Variants in MTHFD1L observed in about 807,000 individuals in gnomAD.
MTHFD1L encodes the protein methylenetetrahydrofolate dehydrogenase (NADP+ dependent) 1 like.
A neutral mutation model predicts 119.5 loss-of-function variants in MTHFD1L; 81 were observed. That is an observed-to-expected ratio of 0.68 (90% CI 0.57 to 0.82). MTHFD1L has a LOEUF of 0.82. Ranked by LOEUF, MTHFD1L falls within the 40% of genes least tolerant of loss-of-function variation. MTHFD1L has a pLI of 0.00. For synonymous variants in MTHFD1L, 430 were observed against 475.2 expected, an observed-to-expected ratio of 0.90 and a Z score of 1.24; for missense variants, 1,125 against 1,253.4, an observed-to-expected ratio of 0.90 and a Z score of 1.55.
intron 7 of MTHFD1L, among the ~76,000 whole-genome samples, chr6:150,896,826 G>GTGGC (rs1483590690): frequency 6.6e-6 from 1 of 151,998 alleles, no homozygotes; most frequent in Non-Finnish European, 1.5e-5. Flanking sequence ...AAGGGGCTGT[G>GTGGC]TGGCGGGCGC....
intron 18 of MTHFD1L, among the ~76,000 whole-genome samples, chr6:150,960,750 C>T (rs1456274361): frequency 6.6e-6 from 1 of 152,112 alleles, no homozygotes; most frequent in African/African-American, 2.4e-5. Flanking sequence ...AAAAATGTAC[C>T]TTCTATGCCT....
chr6:151,046,469 G>GTATATATATATATATATATATATA (rs1437936861), intron 26 of MTHFD1L, among the ~76,000 whole-genome samples: 1 of 116,864 alleles, frequency 8.6e-6, no homozygotes, highest in African/African-American at 3.5e-5. Flanking sequence ...ATATGTGTGT[G>GTATATATATATATATATATATATA]TGTATATATA....
Position 150,967,164 on chromosome 6 carries a change from G to A in MTHFD1L, c.2013+2127G>A, listed in dbSNP as rs541337233. Among the ~76,000 whole-genome samples the A allele has an allele frequency of 3.9e-5, 6 of 152,220 alleles. No individual in the cohort carries two copies. The East Asian group carries it at 7.7e-4, about 20-fold the overall frequency. Reference sequence around the variant, plus strand: ...CTGCCCAGCTCTTGTCTGTCACTGGGGTCTCCATGTTAACTGACCTCGGGT... The same window carrying A: ...CTGCCCAGCTCTTGTCTGTCACTGGAGTCTCCATGTTAACTGACCTCGGGT... On this transcript the variant is annotated intron_variant, in intron 19 of 27. Transcript: ENST00000367321.
intron 7 of MTHFD1L, among the ~76,000 whole-genome samples, chr6:150,891,564 T>C (rs1783286629): frequency 6.7e-6 from 1 of 148,394 alleles, no homozygotes; most frequent in Admixed American, 6.8e-5. Flanking sequence ...AATTATATAA[T>C]CCTTATATAT....
At chr6:150,902,506 T>A (rs1236475752) in intron 7 of MTHFD1L, among the ~76,000 whole-genome samples, 1 of 152,222 alleles carries the variant, frequency 6.6e-6, no homozygotes, top group Non-Finnish European at 1.5e-5. Context: ...ATGATAATTT[T>A]CCTTGAATTT....
At chr6:150,900,738 G>A (rs1053102930) in intron 7 of MTHFD1L, among the ~76,000 whole-genome samples, 3 of 152,272 alleles carry the variant, frequency 2.0e-5, no homozygotes, top group East Asian at 1.9e-4. Context: ...AAGTGCGGCC[G>A]GGCGCGGTGG....
chr6:151,093,899 T>A (rs1175068025), intron 27 of MTHFD1L, among the ~76,000 whole-genome samples: 1 of 152,172 alleles, frequency 6.6e-6, no homozygotes, highest in African/African-American at 2.4e-5. Flanking sequence ...CAGTCTCAGG[T>A]TGGGCTTTGA....
chr6:151,028,988 T>C (rs1485008679), intron 24 of MTHFD1L, among the ~76,000 whole-genome samples: 3 of 152,084 alleles, frequency 2.0e-5, no homozygotes, highest in Admixed American at 1.3e-4. Context: ...AGAGGATCAC[T>C]TGAGCCCAGG....
At chr6:150,890,305 G>C (rs1281735150) in intron 7 of MTHFD1L, among the ~76,000 whole-genome samples, 1 of 120,676 alleles carries the variant, frequency 8.3e-6, no homozygotes, top group African/African-American at 3.4e-5. Context: ...GTTTGTTTAA[G>C]ACAGAGGGGC....
chr6:151,016,938 A>G (rs1299855519), intron 24 of MTHFD1L, among the ~76,000 whole-genome samples: 2 of 150,956 alleles, frequency 1.3e-5, no homozygotes, highest in East Asian at 2.0e-4. Flanking sequence ...GTGCCTGGCT[A>G]ATTTCTTTTT....
chr6:150,989,061 G>A (rs781018032), intron 20 of MTHFD1L, among the ~76,000 whole-genome samples: 36 of 152,200 alleles, frequency 2.4e-4, no homozygotes, highest in Non-Finnish European at 3.4e-4. Context: ...TCTAAAAGCC[G>A]CAAGCCTCTT....
At chr6:150,890,002 T>C (rs1037973923) in intron 7 of MTHFD1L, among the ~76,000 whole-genome samples, 5 of 151,804 alleles carry the variant, frequency 3.3e-5, no homozygotes, top group Non-Finnish European at 5.9e-5. Flanking sequence ...ACTAAAAATA[T>C]AAAATTAGCT....
At chr6:151,000,952 G>A (rs1451637599) in intron 20 of MTHFD1L, among the ~76,000 whole-genome samples, 5 of 152,240 alleles carry the variant, frequency 3.3e-5, no homozygotes, top group Non-Finnish European at 7.3e-5. Flanking sequence ...AGGAAGCAAA[G>A]TGTAGCCTTT....
intron 5 of MTHFD1L, among the ~76,000 whole-genome samples, chr6:150,884,332 A>C (rs1345435279): frequency 6.6e-6 from 1 of 151,390 alleles, no homozygotes; most frequent in Non-Finnish European, 1.5e-5. Context: ...AGTAGAGACG[A>C]GGTTTCACCG....
At chr6:151,087,580 A>T (rs931392594) in intron 26 of MTHFD1L, among the ~76,000 whole-genome samples, 1 of 152,232 alleles carries the variant, frequency 6.6e-6, no homozygotes, top group Non-Finnish European at 1.5e-5. Context: ...ACACAACAAA[A>T]CTAAGTACAA....
At chr6:150,988,647 C>T (rs573764894) in intron 20 of MTHFD1L, among the ~76,000 whole-genome samples, 5 of 152,194 alleles carry the variant, frequency 3.3e-5, no homozygotes, top group African/African-American at 7.2e-5. Flanking sequence ...ACTCTTGTTG[C>T]CCAGGCTGGA....
At chr6:150,940,437 A>G (rs563446708) in intron 13 of MTHFD1L, among the ~76,000 whole-genome samples, 2 of 152,240 alleles carry the variant, frequency 1.3e-5, no homozygotes, top group East Asian at 3.9e-4. Flanking sequence ...AAGACCCAGA[A>G]CCAGGAGGCC....
At chr6:150,934,249 G>C (rs561446062) in intron 11 of MTHFD1L, among the ~76,000 whole-genome samples, 1 of 152,246 alleles carries the variant, frequency 6.6e-6, no homozygotes, top group Non-Finnish European at 1.5e-5. Context: ...TAAATATGAA[G>C]CATAGCACCT....
chr6:150,913,672 G>T (rs1224587852), intron 8 of MTHFD1L, among the ~76,000 whole-genome samples: 4 of 152,146 alleles, frequency 2.6e-5, no homozygotes, highest in Non-Finnish European at 5.9e-5. Context: ...AATTAAGAGA[G>T]TGTGGGTTTT....
Sources: allele counts gnomAD v4.1 joint callset (sites outside exome capture counted in the v4.1 genomes callset), GRCh38; gene constraint gnomAD v4.1.1; transcripts MANE v1.5; gene names NCBI Gene and HGNC (gene_info 2026-07-23, HGNC 2026-07-21).